Variants in EVI5 observed in about 807,000 individuals in gnomAD.
EVI5 encodes the protein ecotropic viral integration site 5 protein homolog.
A neutral mutation model predicts 112.0 loss-of-function variants in EVI5; 73 were observed. The ratio of observed to expected loss-of-function variants is 0.65; its 90% CI spans 0.54 to 0.79. The LOEUF (loss-of-function observed/expected upper bound fraction) is 0.79, where lower values mean the gene tolerates loss of function less well. Ranked by LOEUF, EVI5 falls within the 30% of genes least tolerant of loss-of-function variation. The probability of loss-of-function intolerance (pLI) is 0.00; values close to 1 mark genes in which losing one functional copy is unlikely to be tolerated. For missense variants in EVI5, 900 were observed against 968.8 expected, an observed-to-expected ratio of 0.93 and a Z score of 0.94; for synonymous variants, 305 against 319.9, an observed-to-expected ratio of 0.95 and a Z score of 0.50.
intron 19 of EVI5, among the ~76,000 whole-genome samples, chr1:92,559,222 G>A (rs1668140799): frequency 6.6e-6 from 1 of 152,172 alleles, no homozygotes; most frequent in African/African-American, 2.4e-5. Flanking sequence ...TACAGATACA[G>A]ATGCAATAGT....
chr1:92,550,813 T>TATATATATA (rs1346523555), intron 19 of EVI5, among the ~76,000 whole-genome samples: 3 of 80,110 alleles, frequency 3.7e-5, no homozygotes, highest in African/African-American at 5.4e-5. Flanking sequence ...TATATATATA[T>TATATATATA]AACAAAAAAA....
intron 1 of EVI5, among the ~76,000 whole-genome samples, chr1:92,783,535 C>T (rs6671375): frequency 0.015 from 2,225 of 147,936 alleles, 59 homozygotes; most frequent in African/African-American, 0.053. Context: ...AAAAGAAGGC[C>T]GGGCACGGTG....
At chr1:92,698,053 T>A in intron 5 of EVI5, 68 bp from the exon 6 acceptor site, 3 of 1,421,822 alleles carry the variant, frequency 2.1e-6, no homozygotes, top group Non-Finnish European at 2.9e-6. Context: ...CAATGATATT[T>A]AAACTAAGTA....
intron 19 of EVI5, among the ~76,000 whole-genome samples, chr1:92,519,139 A>G (rs568598124): frequency 6.6e-6 from 1 of 152,260 alleles, no homozygotes; most frequent in Non-Finnish European, 1.5e-5. Context: ...TTTTTTCAGG[A>G]AAGTAGATAA....
intron 9 of EVI5, among the ~76,000 whole-genome samples, chr1:92,692,904 G>T (rs1490318053): frequency 6.6e-6 from 1 of 152,122 alleles, no homozygotes; most frequent in Admixed American, 6.6e-5. Flanking sequence ...ATGACCGCAG[G>T]CTAAGAATTA....
At chr1:92,715,365 T>C (rs1570541034) in intron 2 of EVI5, among the ~76,000 whole-genome samples, 1 of 152,220 alleles carries the variant, frequency 6.6e-6, no homozygotes, top group East Asian at 1.9e-4. Context: ...ACCCAAAAGT[T>C]CAAATTTTTT....
intron 19 of EVI5, among the ~76,000 whole-genome samples, chr1:92,553,491 C>T (rs1393823009): frequency 6.6e-6 from 1 of 151,276 alleles, no homozygotes; most frequent in Non-Finnish European, 1.5e-5. Context: ...TTAGTAGAGA[C>T]AGGCTTTCTC....
intron 19 of EVI5, among the ~76,000 whole-genome samples, chr1:92,550,781 A>AAT (rs1330757944): frequency 0.11 from 2,328 of 20,282 alleles, 125 homozygotes; most frequent in Admixed American, 0.15. Context: ...AAAAAAAAAA[A>AAT]ATATATATAT....
chr1:92,773,307 A>G (rs956126540), intron 1 of EVI5, among the ~76,000 whole-genome samples: 1 of 152,214 alleles, frequency 6.6e-6, no homozygotes, highest in Non-Finnish European at 1.5e-5. Flanking sequence ...CATGGATTAA[A>G]AAGAACTACT....
intron 18 of EVI5, among the ~76,000 whole-genome samples, chr1:92,567,006 C>T (rs1669597600): frequency 6.6e-6 from 1 of 151,914 alleles, no homozygotes. Flanking sequence ...GGGGTTTCAC[C>T]ACATTGGCCA....
At chr1:92,685,771 C>A (rs1668414661) in intron 9 of EVI5, among the ~76,000 whole-genome samples, 1 of 152,196 alleles carries the variant, frequency 6.6e-6, no homozygotes, top group Non-Finnish European at 1.5e-5. Context: ...ATAAATACCT[C>A]TGTGCAAATA....
Position 92,512,979 on chromosome 1 carries a change from T to G in EVI5, c.*677A>C, listed in dbSNP as rs1659281936. On this transcript the variant is annotated 3_prime_UTR_variant, in exon 20 of 20. Coordinates refer to ENST00000684568, the MANE Select transcript of EVI5 (RefSeq NM_001350197.2). ...CCAGCCAACATGGTGAAACCCCATC[T>G]CTACTAAAAATACAAAAAATTAGCC... The G allele has an allele frequency of 6.6e-6, 1 of 151,756 alleles. No homozygotes were observed. 9.4% of individuals were successfully genotyped at this position (151,756 alleles called of 1,614,324 possible).
At chr1:92,626,227 C>T (rs1393449720) in intron 14 of EVI5, among the ~76,000 whole-genome samples, 6 of 152,168 alleles carry the variant, frequency 3.9e-5, no homozygotes, top group Non-Finnish European at 8.8e-5. Flanking sequence ...ACTTCCCCAT[C>T]CCCTGGCAAC....
chr1:92,685,658 TAATAAAGAAGG>T (rs1025569500), intron 9 of EVI5, among the ~76,000 whole-genome samples: 3 of 151,620 alleles, frequency 2.0e-5, no homozygotes, highest in Admixed American at 2.0e-4. Flanking sequence ...CTAGCAACAC[TAATAAAGAAGG>T]AAAGAGGGAA....
intron 19 of EVI5, among the ~76,000 whole-genome samples, chr1:92,520,548 A>G (rs1240851062): frequency 6.6e-6 from 1 of 152,008 alleles, no homozygotes; most frequent in African/African-American, 2.4e-5. Flanking sequence ...AGATGCCAAA[A>G]CTGAACACTC....
At chr1:92,707,409 T>A (rs1205349894) in intron 2 of EVI5, among the ~76,000 whole-genome samples, 3 of 150,830 alleles carry the variant, frequency 2.0e-5, no homozygotes, top group Non-Finnish European at 3.0e-5. Context: ...AACACAGGTA[T>A]CTGACAAAAG....
chr1:92,652,940 G>C (rs1662381660), intron 13 of EVI5, among the ~76,000 whole-genome samples: 1 of 152,122 alleles, frequency 6.6e-6, no homozygotes, highest in East Asian at 1.9e-4. Flanking sequence ...AGGGTAGTTG[G>C]GAGTGTTTGG....
rs1260057936 is a variant in EVI5, at chr1:92,535,579, T to A, written c.2167-21609A>T. ...TACACCATGGAATACCTTGCAGCCA[T>A]AAAAAAAAATGAGTTCATGTCCTTT... On this transcript the variant is annotated intron_variant, in intron 19 of 19. Transcript: ENST00000684568. Among the ~76,000 whole-genome samples the A allele has an allele frequency of 2.6e-5, 4 of 151,974 alleles. No homozygotes were observed. The East Asian group carries it at 7.7e-4, about 29-fold the overall frequency.
chr1:92,655,507 A>G (rs919118775), intron 13 of EVI5, among the ~76,000 whole-genome samples: 9 of 152,180 alleles, frequency 5.9e-5, no homozygotes, highest in Non-Finnish European at 1.5e-5. Context: ...CAAAAGGTCA[A>G]TACTCAACAT....
Sources: gnomAD v4.1 joint callset for allele counts (sites outside exome capture counted in the v4.1 genomes callset) on GRCh38, gnomAD v4.1.1 for gene constraint, MANE v1.5 for transcripts, NCBI Gene and HGNC (gene_info 2026-07-23, HGNC 2026-07-21) for gene names.